Variants in LRMDA observed in about 807,000 individuals in gnomAD.
LRMDA encodes leucine-rich melanocyte differentiation-associated protein.
Under a neutral mutation model 29.8 loss-of-function variants are expected in LRMDA, and 18 were observed. The ratio of observed to expected loss-of-function variants is 0.60; its 90% confidence interval spans 0.42 to 0.90. LRMDA has a LOEUF of 0.90. LRMDA is among the 40% of genes least tolerant of loss of function. LRMDA has a pLI of 0.00. For missense variants in LRMDA, 273 were observed against 273.9 expected (o/e 1.00, Z 0.02); for synonymous variants, 125 against 109.4 (o/e 1.14, Z -0.89).
chr10:76,514,909 A>G (rs184285775), intron 6 of LRMDA, among the ~76,000 whole-genome samples: 19 of 152,298 alleles, frequency 1.2e-4, no homozygotes, highest in African/African-American at 4.6e-4. Flanking sequence ...GGTACTGACT[A>G]CTACCTCTAC....
chr10:76,557,547 G>A lies in LRMDA; in HGVS notation c.*259G>A, dbSNP rs1490093074. ...ATCCACCAGGGTGACAGACAGCGGT[G>A]GCAAAGCAACAGGGCTGACAGCATG... On this transcript the variant is annotated 3_prime_UTR_variant, in exon 7 of 7. Transcript: ENST00000611255. 24 of 533,510 alleles carry A rather than the reference G, an allele frequency of 4.5e-5. No homozygotes were observed. Among genetic ancestry groups the A allele is most frequent in the Non-Finnish European group, 1.0e-5 (3 of 298,398 alleles). 33.0% of individuals were successfully genotyped at this position (533,510 alleles called of 1,614,324 possible).
At chr10:75,734,701 C>T (rs1842739909) in intron 2 of LRMDA, among the ~76,000 whole-genome samples, 1 of 152,216 alleles carries the variant, frequency 6.6e-6, no homozygotes. Flanking sequence ...CTCTGTGGCA[C>T]CTGCCATCCT....
intron 6 of LRMDA, among the ~76,000 whole-genome samples, chr10:76,470,701 A>G (rs1842609406): frequency 6.6e-6 from 1 of 152,058 alleles, no homozygotes; most frequent in African/African-American, 2.4e-5. Context: ...AAATACATAG[A>G]GACAGAAAGC....
intron 2 of LRMDA, among the ~76,000 whole-genome samples, chr10:75,730,458 G>C (rs1045992122): frequency 5.9e-5 from 9 of 152,274 alleles, no homozygotes; most frequent in Middle Eastern, 3.4e-3. Flanking sequence ...GGGTGCTCTA[G>C]CACTCTGAGG....
intron 6 of LRMDA, among the ~76,000 whole-genome samples, chr10:76,345,626 A>G (rs1489001866): frequency 1.1e-4 from 16 of 151,966 alleles, no homozygotes; most frequent in Admixed American, 1.0e-3. Context: ...AATAGTGACA[A>G]TTTATGGATG....
At chr10:76,506,619 C>A (rs1274328494) in intron 6 of LRMDA, among the ~76,000 whole-genome samples, 1 of 151,890 alleles carries the variant, frequency 6.6e-6, no homozygotes, top group Admixed American at 6.6e-5. Context: ...TTTCTTCATC[C>A]CTCTCTCCCC....
At chr10:75,612,895 A>G (rs1437417244) in intron 2 of LRMDA, among the ~76,000 whole-genome samples, 1 of 151,702 alleles carries the variant, frequency 6.6e-6, no homozygotes, top group Non-Finnish European at 1.5e-5. Flanking sequence ...AAAAAAATGG[A>G]AGGTTGAGAT....
At chr10:76,507,441 C>G (rs1842970480) in intron 6 of LRMDA, among the ~76,000 whole-genome samples, 1 of 151,834 alleles carries the variant, frequency 6.6e-6, no homozygotes, top group Admixed American at 6.6e-5. Context: ...CTATGCAAAA[C>G]TTTTTAGTGT....
In LRMDA at chr10:75,902,012, C is replaced by T. The variant is rs1467678307; in HGVS notation, c.132-133996C>T. Reference sequence around the variant, plus strand: ...ACAAATTAAACTGAAGTACCCCTAACATTTGGGGGGTTCAGTATGAGAGTC... The same window carrying T: ...ACAAATTAAACTGAAGTACCCCTAATATTTGGGGGGTTCAGTATGAGAGTC... On this transcript the variant is annotated intron_variant, in intron 2 of 6. Coordinates refer to ENST00000611255, the MANE Select transcript of LRMDA (RefSeq NM_001305581.2). 3.9e-5 allele frequency among the ~76,000 whole-genome samples: 6 copies of T among 152,152 alleles called. No individual in the cohort carries two copies. In the East Asian group the frequency reaches 1.2e-3, roughly 29 times the overall value.
chr10:76,553,336 TAGAA>T (rs1310356380), intron 6 of LRMDA, among the ~76,000 whole-genome samples: 2 of 152,246 alleles, frequency 1.3e-5, no homozygotes, highest in African/African-American at 4.8e-5. Flanking sequence ...TTTGAAGAGA[TAGAA>T]ACAAATGAAT....
At position 76,479,065 on chromosome 10, in the gene LRMDA, TA is replaced by T. The variant is rs890796403; in HGVS notation, c.602-78137del. 1.5e-3 allele frequency among the ~76,000 whole-genome samples: 229 copies of T among 150,928 alleles called. 2 individuals are homozygous for T. Among genetic ancestry groups the T allele is most frequent in the Non-Finnish European group, 2.6e-3 (176 of 67,588 alleles). ...AGTATAATAAAAATATATATATAAATAAAAAAAGATCACAAACTAAATATTG... is the reference window on the plus strand; with the variant it reads ...AGTATAATAAAAATATATATATAAATAAAAAAGATCACAAACTAAATATTG... On this transcript the variant is annotated intron_variant, in intron 6 of 6. Coordinates refer to ENST00000611255, the MANE Select transcript of LRMDA (RefSeq NM_001305581.2).
At chr10:75,503,162 G>A (rs1035913396) in intron 2 of LRMDA, among the ~76,000 whole-genome samples, 5 of 151,940 alleles carry the variant, frequency 3.3e-5, no homozygotes, top group African/African-American at 1.2e-4. Flanking sequence ...ACATGAGGCT[G>A]CCCACTGTTA....
intron 6 of LRMDA, among the ~76,000 whole-genome samples, chr10:76,457,730 A>G (rs1257208518): frequency 6.6e-6 from 1 of 152,184 alleles, no homozygotes; most frequent in African/African-American, 2.4e-5. Context: ...ACAGAAATAT[A>G]GAAACAACAA....
intron 2 of LRMDA, among the ~76,000 whole-genome samples, chr10:75,781,320 C>G (rs1473873476): frequency 6.6e-6 from 1 of 152,184 alleles, no homozygotes; most frequent in Non-Finnish European, 1.5e-5. Flanking sequence ...GAAGAAACAT[C>G]ATTTCTCCCA....
Position 76,173,609 on chromosome 10 carries a change from A to G in LRMDA, c.516+114826A>G, listed in dbSNP as rs560186183. ...GGATAAAATGGACAGATTTCTTCAA[A>G]GATACAAACTATCAAACTCCTGACA... On this transcript the variant is annotated intron_variant, in intron 5 of 6. Transcript: ENST00000611255. 4.6e-5 allele frequency among the ~76,000 whole-genome samples: 7 copies of G among 152,364 alleles called. No homozygotes were observed. The South Asian group carries it at 1.4e-3, about 32-fold the overall frequency.
intron 2 of LRMDA, among the ~76,000 whole-genome samples, chr10:75,575,787 T>A (rs1840496860): frequency 6.6e-6 from 1 of 152,152 alleles, no homozygotes; most frequent in African/African-American, 2.4e-5. Flanking sequence ...CTCCCCCTCC[T>A]AGCCAAAGGA....
chr10:75,993,560 C>A (rs1319007918), intron 2 of LRMDA, among the ~76,000 whole-genome samples: 2 of 152,018 alleles, frequency 1.3e-5, no homozygotes, highest in African/African-American at 2.4e-5. Context: ...TGGCAAAACT[C>A]CATCTCTACT....
At position 75,800,259 on chromosome 10, in the gene LRMDA, C is replaced by T. The variant is rs1483913810; in HGVS notation, c.132-235749C>T. On this transcript the variant is annotated intron_variant, in intron 2 of 6. Coordinates refer to ENST00000611255, the MANE Select transcript of LRMDA (RefSeq NM_001305581.2). ...TCTGATCATAGTCTCTGCCTTGAAG[C>T]TTACTTTGTCCAATATCAGTTGTAG... is the stretch of plus-strand genomic sequence containing the variant. Among the ~76,000 whole-genome samples the T allele has an allele frequency of 2.0e-5, 3 of 152,162 alleles. No individual in the cohort carries two copies. The East Asian group carries it at 5.8e-4, about 29-fold the overall frequency.
intron 5 of LRMDA, among the ~76,000 whole-genome samples, chr10:76,151,566 G>T (rs565748557): frequency 1.3e-5 from 2 of 152,270 alleles, no homozygotes; most frequent in South Asian, 4.1e-4. Context: ...TTTTATGTGT[G>T]GGGGAGGAAA....
Sources: gnomAD v4.1 joint callset for allele counts (sites outside exome capture counted in the v4.1 genomes callset) on GRCh38, gnomAD v4.1.1 for gene constraint, MANE v1.5 for transcripts, NCBI Gene and HGNC (gene_info 2026-07-23, HGNC 2026-07-21) for gene names.